Variants in KCNK6 observed in about 807,000 individuals in gnomAD.
KCNK6 encodes potassium two pore domain channel subfamily K member 6, also known as potassium channel subfamily K member 6.
In KCNK6, 20 loss-of-function variants were observed where a neutral mutation model predicts 21.9. That is an observed-to-expected ratio of 0.91 (90% confidence interval 0.64 to 1.32). The LOEUF (loss-of-function observed/expected upper bound fraction) is 1.32. Among genes scored for constraint, KCNK6 ranks in the 40% most tolerant of loss-of-function variants. The pLI, the probability that KCNK6 is intolerant of heterozygous loss-of-function variation, is 0.00. For synonymous variants in KCNK6, 210 were observed against 218.0 expected (o/e 0.96, Z 0.32); for missense variants, 415 against 433.1 (o/e 0.96, Z 0.37).
At position 38,328,128 on chromosome 19, in the gene KCNK6, C is replaced by G. The variant is rs1393141745; in HGVS notation, c.*725C>G. The G allele has an allele frequency of 6.6e-6, 1 of 152,294 alleles. No individual in the cohort carries two copies. The highest frequency in any genetic ancestry group is 1.5e-5 in the Non-Finnish European group (1 of 68,140). The allele number at this position is 152,294 out of a possible 1,614,324, so 9.4% of individuals were successfully genotyped here. ...GAGAAGCATAGGGACTAGGCCCAAT[C>G]CAGCCTGGAAAGTCAGGGAGGACTT... is the stretch of plus-strand genomic sequence containing the variant. On this transcript the variant is annotated 3_prime_UTR_variant, in exon 3 of 3. Transcript: ENST00000263372.
At chr19:38,326,224 G>A (rs918117611) in intron 1 of KCNK6, among the ~76,000 whole-genome samples, 49 of 152,086 alleles carry the variant, frequency 3.2e-4, no homozygotes, top group Non-Finnish European at 4.7e-4. Context: ...GGTGTCCGCA[G>A]ACCTCTCGCT....
At chr19:38,326,508 A>G in intron 1 of KCNK6, 85 bp from the exon 2 acceptor site, 1 of 1,442,078 alleles carries the variant, frequency 6.9e-7, no homozygotes, top group Non-Finnish European at 9.3e-7. Flanking sequence ...CTATGATGGC[A>G]CCGCTGCACT....
rs778607549 is a variant in KCNK6, at chr19:38,320,247, C to T, written c.297C>T (p.Phe99=). Residue 99 remains phenylalanine, a synonymous_variant, in exon 1 of 3, where the codon TTC becomes TTT. Coordinates refer to ENST00000263372, the MANE Select transcript of KCNK6 (RefSeq NM_004823.3). The stretch of plus-strand genomic sequence containing the variant: ...GGGACTTCGCCTCTGCTCTCTTCTT[C>T]GCCAGCACGCTGATCACCACCGTGG... The part of the protein sequence containing the change: ...PAWDFASALF[F]ASTLITTVGY... The T allele has an allele frequency of 1.0e-5, 16 of 1,606,230 alleles. No individual in the cohort carries two copies. Among genetic ancestry groups the T allele is most frequent in the African/African-American group, 2.7e-5 (2 of 74,820 alleles).
In KCNK6 at chr19:38,326,773, C is replaced by G. The variant is rs145525515; in HGVS notation, c.503C>G (p.Ala168Gly). The G allele has an allele frequency of 2.6e-5, 42 of 1,604,524 alleles. No individual in the cohort carries two copies. The highest frequency in any genetic ancestry group is 3.5e-5 in the Non-Finnish European group (41 of 1,179,958). The part of the protein sequence containing the change: ...SMRWGWDPRR[A>G]ACWHLVALLG... ...CGTTGGGGCTGGGACCCCCGGCGGG[C>G]GGCCTGCTGGCACTTGGTGGCCCTG... The change falls in exon 2 of 3, where the codon GCG (alanine) becomes GGG (glycine). Residue 168 changes from alanine to glycine, a missense_variant. Coordinates refer to ENST00000263372, the MANE Select transcript of KCNK6 (RefSeq NM_004823.3).
At position 38,330,073 on chromosome 19, in the gene KCNK6, G is replaced by GT. The variant is rs796605148; in HGVS notation, c.*2671dup. 2.0e-5 allele frequency: 3 copies of GT among 152,672 alleles called. No homozygotes were observed. Among genetic ancestry groups the GT allele is most frequent in the African/African-American group, 7.2e-5 (3 of 41,580 alleles). 9.5% of individuals were successfully genotyped at this position (152,672 alleles called of 1,614,324 possible). ...GGGGCAGGCCAGGTGGCTCACGCCTGTAATCCCAGCACTTTGTGAGGCCGA... is the reference window on the plus strand; with the variant it reads ...GGGGCAGGCCAGGTGGCTCACGCCTGTTAATCCCAGCACTTTGTGAGGCCGA... On this transcript the variant is annotated 3_prime_UTR_variant, in exon 3 of 3. Coordinates refer to ENST00000263372, the MANE Select transcript of KCNK6 (RefSeq NM_004823.3).
At position 38,327,178 on chromosome 19, in the gene KCNK6, A is replaced by G. The variant is rs777305174; in HGVS notation, c.719-2A>G. On this transcript the variant is annotated splice_acceptor_variant, in intron 2 of 2. Coordinates refer to ENST00000263372, the MANE Select transcript of KCNK6 (RefSeq NM_004823.3). LOFTEE classifies it high-confidence loss of function. Reference sequence around the variant, plus strand: ...ACCAACGCCCCTTCTCCGCCTTTACAGTCTACCTCTTCCTGGGCCTGGTGG... The same window carrying G: ...ACCAACGCCCCTTCTCCGCCTTTACGGTCTACCTCTTCCTGGGCCTGGTGG... 3.7e-6 allele frequency: 6 copies of G among 1,611,464 alleles called. No individual in the cohort carries two copies. Among genetic ancestry groups the G allele is most frequent in the Non-Finnish European group, 5.1e-6 (6 of 1,179,976 alleles).
intron 1 of KCNK6, among the ~76,000 whole-genome samples, chr19:38,325,854 CAG>C (rs1969701910): frequency 6.6e-6 from 1 of 152,026 alleles, no homozygotes; most frequent in East Asian, 1.9e-4. Context: ...GGTGGGGCCA[CAG>C]AGGGGCTCTG....
chr19:38,327,004 A>AGG lies in KCNK6; in HGVS notation c.718+18_718+19dup, dbSNP rs1325499555. On this transcript the variant is annotated intron_variant, in intron 2 of 2. Transcript: ENST00000263372. ...CTGGTCACAGGTGAGCTGGGTGGCT[A>AGG]GGGCAGGGCTTTGAGGAGGACCTAG... The AGG allele has an allele frequency of 4.4e-6, 7 of 1,588,176 alleles. No individual in the cohort carries two copies. The highest frequency in any genetic ancestry group is 6.0e-6 in the Non-Finnish European group (7 of 1,173,322).
chr19:38,320,043 G>A lies in KCNK6; in HGVS notation c.93G>A (p.Pro31=). ...TGTTGGTGGCGCGGCTGGAGGGGCC[G>A]CACGAAGCCAGGCTCCGAGCCGAGC... ...GALLVARLEG[P]HEARLRAELE... Residue 31 remains proline, a synonymous_variant, in exon 1 of 3, where the codon CCG becomes CCA. Coordinates refer to ENST00000263372, the MANE Select transcript of KCNK6 (RefSeq NM_004823.3). 1.3e-6 allele frequency: 2 copies of A among 1,501,428 alleles called. No homozygotes were observed. The highest frequency in any genetic ancestry group is 1.8e-6 in the Non-Finnish European group (2 of 1,133,834). The allele number at this position is 1,501,428 out of a possible 1,614,324, so 93.0% of individuals were successfully genotyped here.
intron 1 of KCNK6, among the ~76,000 whole-genome samples, chr19:38,323,752 T>TTTTTTTA (rs1969678295): frequency 6.6e-6 from 1 of 152,152 alleles, no homozygotes; most frequent in Non-Finnish European, 1.5e-5. Context: ...ACCCAGCTAA[T>TTTTTTTA]TTTTTTATTT....
chr19:38,326,637 T>C lies in KCNK6; in HGVS notation c.367T>C (p.Ser123Pro), dbSNP rs1166608409. ...TPLTDAGKAFSIAFALLGVPT... is the reference protein window; with the variant it reads ...TPLTDAGKAFPIAFALLGVPT... Reference sequence around the variant, plus strand: ...ACTGACTGATGCGGGCAAGGCCTTCTCCATCGCCTTTGCGCTCCTGGGCGT... The same window carrying C: ...ACTGACTGATGCGGGCAAGGCCTTCCCCATCGCCTTTGCGCTCCTGGGCGT... Residue 123 changes from serine to proline, a missense_variant, in exon 2 of 3, where the codon TCC becomes CCC. By Grantham distance (74) the Ser-to-Pro change is moderately conservative (BLOSUM62 -1). Transcript: ENST00000263372. 10 of 1,611,142 alleles carry C rather than the reference T, an allele frequency of 6.2e-6. No homozygotes were observed. The highest frequency in any genetic ancestry group is 8.5e-6 in the Non-Finnish European group (10 of 1,179,920).
rs1969741210 is a variant in KCNK6 at position 38,328,878 on chromosome 19, G to GAAAGAAAGAAAGAA, written c.*1476_*1477insAAGAAAGAAAGAAA. 1 of 135,668 alleles carries GAAAGAAAGAAAGAA rather than the reference G, an allele frequency of 7.4e-6. No homozygotes were observed. Among genetic ancestry groups the GAAAGAAAGAAAGAA allele is most frequent in the Non-Finnish European group, 1.6e-5 (1 of 63,614 alleles). The allele number at this position is 135,668 out of a possible 1,614,324, so 8.4% of individuals were successfully genotyped here. On this transcript the variant is annotated 3_prime_UTR_variant, in exon 3 of 3. Coordinates refer to ENST00000263372, the MANE Select transcript of KCNK6 (RefSeq NM_004823.3). ...AGAGAGAAAGAAAGAAAGAAAGAGA[G>GAAAGAAAGAAAGAA]AGAAAGAAAGAAAGAAAGAAAGGGA...
chr19:38,328,115 G>C lies in KCNK6; in HGVS notation c.*712G>C, dbSNP rs1467131329. ...AGGGCTGAAGTCGGAGAAGCATAGGGACTAGGCCCAATCCAGCCTGGAAAG... is the reference window on the plus strand; with the variant it reads ...AGGGCTGAAGTCGGAGAAGCATAGGCACTAGGCCCAATCCAGCCTGGAAAG... On this transcript the variant is annotated 3_prime_UTR_variant, in exon 3 of 3. Transcript: ENST00000263372. The C allele has an allele frequency of 6.6e-6, 1 of 152,434 alleles. No individual in the cohort carries two copies. Among genetic ancestry groups the C allele is most frequent in the Non-Finnish European group, 1.5e-5 (1 of 68,244 alleles). 9.4% of individuals were successfully genotyped at this position (152,434 alleles called of 1,614,324 possible).
chr19:38,326,277 T>G (rs1447516670), intron 1 of KCNK6, among the ~76,000 whole-genome samples: 1 of 152,094 alleles, frequency 6.6e-6, no homozygotes, highest in Non-Finnish European at 1.5e-5. Context: ...GGCTGGGTCC[T>G]GGGGATCAGA....
chr19:38,326,451 T>C, intron 1 of KCNK6, 142 bp from the exon 2 acceptor site: 1 of 959,430 alleles, frequency 1.0e-6, no homozygotes, highest in South Asian at 1.6e-5. Flanking sequence ...AGGAGGAGGC[T>C]GAGGTGGTAG....
At position 38,329,742 on chromosome 19, in the gene KCNK6, GAGGTGGAGC is replaced by G. The variant is rs1969752196; in HGVS notation, c.*2342_*2350del. On this transcript the variant is annotated 3_prime_UTR_variant, in exon 3 of 3. Transcript: ENST00000263372. ...GGATGATCCCCCTAGTTGCTCTGGAGAGGTGGAGCAGAGCGGGTACTGAGGCTGGGTGCC... is the reference window on the plus strand; with the variant it reads ...GGATGATCCCCCTAGTTGCTCTGGAGAGAGCGGGTACTGAGGCTGGGTGCC... The G allele has an allele frequency of 1.3e-5, 2 of 152,698 alleles. No homozygotes were observed. Among genetic ancestry groups the G allele is most frequent in the Non-Finnish European group, 2.9e-5 (2 of 68,516 alleles). 9.5% of individuals were successfully genotyped at this position (152,698 alleles called of 1,614,324 possible).
At chr19:38,324,951 C>T (rs1187642837) in intron 1 of KCNK6, 1 of 151,440 alleles carries the variant, frequency 6.6e-6, no homozygotes, top group Non-Finnish European at 1.5e-5. Flanking sequence ...ATAAAATGTA[C>T]CATCTTAGTC....
rs1259436969 is a variant in KCNK6, at chr19:38,331,651, T to C, written c.*4248T>C. ...GAAAAAAAAAAAAAAGAAAAAAGTG[T>C]GTGCTAAAAAATTCATCAGGTACTA... is the stretch of plus-strand genomic sequence containing the variant. On this transcript the variant is annotated 3_prime_UTR_variant, in exon 3 of 3. Coordinates refer to ENST00000263372, the MANE Select transcript of KCNK6 (RefSeq NM_004823.3). The C allele has an allele frequency of 6.7e-6, 1 of 149,796 alleles. No individual in the cohort carries two copies. Among genetic ancestry groups the C allele is most frequent in the African/African-American group, 2.4e-5 (1 of 40,908 alleles). The allele number at this position is 149,796 out of a possible 1,614,324, so 9.3% of individuals were successfully genotyped here. A position where few individuals can be genotyped will look rare whatever the true frequency, so the allele number is the denominator to read the frequency against.
At chr19:38,321,375 T>G (rs1280840509) in intron 1 of KCNK6, among the ~76,000 whole-genome samples, 1 of 152,120 alleles carries the variant, frequency 6.6e-6, no homozygotes, top group Non-Finnish European at 1.5e-5. Flanking sequence ...ACATCTCCCC[T>G]ATATGGGGTC....
Sources: gnomAD v4.1 joint callset for allele counts (sites outside exome capture counted in the v4.1 genomes callset) on GRCh38, gnomAD v4.1.1 for gene constraint, MANE v1.5 for transcripts, NCBI Gene and HGNC (gene_info 2026-07-23, HGNC 2026-07-21) for gene names.